Variants in RORA observed in about 807,000 individuals in gnomAD.
RORA encodes the protein nuclear receptor ROR-alpha.
RORA carries 7 observed loss-of-function variants against 69.5 expected under a neutral mutation model. The ratio of observed to expected loss-of-function variants is 0.10; its 90% CI spans 0.06 to 0.19. The LOEUF is 0.19. Ranked by LOEUF, RORA falls within the 10% of genes least tolerant of loss-of-function variation. The pLI is 1.00. For synonymous variants in RORA, 261 were observed against 240.8 expected (o/e 1.08, Z -0.78); for missense variants, 457 against 663.0 (o/e 0.69, Z 3.41).
intron 1 of RORA, among the ~76,000 whole-genome samples, chr15:60,934,316 T>C (rs1892457486): frequency 6.6e-6 from 1 of 152,124 alleles, no homozygotes; most frequent in Non-Finnish European, 1.5e-5. Context: ...TTTTCCACTT[T>C]CCTTCAAGAG....
At chr15:61,148,660 G>A (rs547996421) in intron 1 of RORA, among the ~76,000 whole-genome samples, 1 of 152,270 alleles carries the variant, frequency 6.6e-6, no homozygotes, top group East Asian at 1.9e-4. Context: ...TTGCACTCCT[G>A]CAATTTCATG....
intron 2 of RORA, among the ~76,000 whole-genome samples, chr15:60,595,461 G>C (rs1254534085): frequency 1.3e-5 from 2 of 151,700 alleles, no homozygotes; most frequent in Admixed American, 1.3e-4. Flanking sequence ...GTTGCAGTGA[G>C]CTGAGATCAC....
At chr15:61,177,948 C>G (rs2079646078) in intron 1 of RORA, among the ~76,000 whole-genome samples, 1 of 146,846 alleles carries the variant, frequency 6.8e-6, no homozygotes, top group African/African-American at 2.5e-5. Flanking sequence ...GGCAACAGAG[C>G]AAGACTCCAT....
At chr15:60,929,161 A>G (rs569807422) in intron 1 of RORA, among the ~76,000 whole-genome samples, 19 of 152,298 alleles carry the variant, frequency 1.2e-4, no homozygotes, top group African/African-American at 4.3e-4. Context: ...GAAGGTGTCA[A>G]CAAAGAGGGT....
chr15:60,757,417 C>G (rs1363153578), intron 1 of RORA, among the ~76,000 whole-genome samples: 1 of 152,190 alleles, frequency 6.6e-6, no homozygotes, highest in East Asian at 1.9e-4. Flanking sequence ...CTTACACAGT[C>G]AAACTTCTGC....
intron 1 of RORA, among the ~76,000 whole-genome samples, chr15:61,096,027 A>G (rs950513628): frequency 7.9e-5 from 12 of 152,342 alleles, no homozygotes; most frequent in Admixed American, 6.5e-4. Context: ...GCAGAGTCCA[A>G]AAGCTTGTCT....
In RORA at chr15:60,746,514, G is replaced by GA. The variant is rs889975068; in HGVS notation, c.167-67829dup. Among the ~76,000 whole-genome samples, 14 of 150,030 alleles carry GA rather than the reference G, an allele frequency of 9.3e-5. No homozygotes were observed. In the South Asian group the frequency reaches 1.5e-3, roughly 16 times the overall value. On this transcript the variant is annotated intron_variant, in intron 1 of 10. Transcript: ENST00000335670. The stretch of plus-strand genomic sequence containing the variant: ...GATGGTTAAAAATTGGAAAGGGAGA[G>GA]AAAAAAAAACATTCTGACCTTCAAC...
chr15:60,665,565 C>T (rs1393745695), intron 2 of RORA, among the ~76,000 whole-genome samples: 1 of 152,218 alleles, frequency 6.6e-6, no homozygotes, highest in Non-Finnish European at 1.5e-5. Context: ...AGCCCTAATA[C>T]TGAGACTCAA....
At position 60,698,737 on chromosome 15, in the gene RORA, T is replaced by C. The variant is rs188641229; in HGVS notation, c.167-20051A>G. Reference sequence around the variant, plus strand: ...AAAGTGTTTACCAATTTATAATTCCTAGATTAGTGTACACCTGTCCCAATG... The same window carrying C: ...AAAGTGTTTACCAATTTATAATTCCCAGATTAGTGTACACCTGTCCCAATG... On this transcript the variant is annotated intron_variant, in intron 1 of 10. Transcript: ENST00000335670. Among the ~76,000 whole-genome samples, 428 of 151,950 alleles carry C rather than the reference T, an allele frequency of 2.8e-3. 2 individuals carry two copies. Among genetic ancestry groups the C allele is most frequent in the African/African-American group, 1.0e-2 (413 of 41,474 alleles).
At chr15:60,892,040 C>T (rs937481980) in intron 1 of RORA, among the ~76,000 whole-genome samples, 2 of 152,142 alleles carry the variant, frequency 1.3e-5, no homozygotes, top group Non-Finnish European at 2.9e-5. Context: ...TTGGGGCAGG[C>T]GCTGTGTTGA....
intron 1 of RORA, among the ~76,000 whole-genome samples, chr15:60,754,184 T>C (rs1324013781): frequency 6.6e-6 from 1 of 152,260 alleles, no homozygotes; most frequent in Non-Finnish European, 1.5e-5. Context: ...GCATGAGGTA[T>C]TTTTATTTGT....
At chr15:60,512,757 A>G (rs1442171707) in intron 4 of RORA, among the ~76,000 whole-genome samples, 2 of 152,204 alleles carry the variant, frequency 1.3e-5, no homozygotes. Context: ...GTGTCCCCAT[A>G]TTTAAAGTGG....
In RORA at chr15:60,985,582, C is replaced by CTTTTTTTTTTTTTT. The variant is rs11451387; in HGVS notation, c.166+243457_166+243470dup. On this transcript the variant is annotated intron_variant, in intron 1 of 10. Coordinates refer to ENST00000335670, the MANE Select transcript of RORA (RefSeq NM_134261.3). ...TTGTGCTAGGTAAGAAACTCATCCT[C>CTTTTTTTTTTTTTT]TTTTTTTTTTTTTTTTTTTTTGAGA... Among the ~76,000 whole-genome samples the CTTTTTTTTTTTTTT allele has an allele frequency of 4.0e-5, 4 of 100,848 alleles. 1 individual carries two copies. Among genetic ancestry groups the CTTTTTTTTTTTTTT allele is most frequent in the Admixed American group, 2.7e-4 (2 of 7,498 alleles). 66.2% of individuals were successfully genotyped at this position (100,848 alleles called of 152,430 possible). A position where few individuals can be genotyped will look rare whatever the true frequency, so the allele number is the denominator to read the frequency against.
intron 1 of RORA, among the ~76,000 whole-genome samples, chr15:60,785,313 C>T (rs929047669): frequency 3.9e-5 from 6 of 152,170 alleles, no homozygotes; most frequent in African/African-American, 1.4e-4. Flanking sequence ...GGGTTTGAAA[C>T]TTTCTTCCTG....
At chr15:61,072,745 G>C (rs1008448718) in intron 1 of RORA, among the ~76,000 whole-genome samples, 1 of 152,074 alleles carries the variant, frequency 6.6e-6, no homozygotes, top group African/African-American at 2.4e-5. Context: ...AACTAATGGG[G>C]GTCAAGACAT....
At chr15:61,095,802 G>C (rs919769661) in intron 1 of RORA, among the ~76,000 whole-genome samples, 4 of 152,158 alleles carry the variant, frequency 2.6e-5, no homozygotes, top group African/African-American at 9.7e-5. Flanking sequence ...GCCTTTTGAG[G>C]CAGCCCATAC....
In RORA at chr15:61,043,540, A is replaced by G. The variant is rs141177380; in HGVS notation, c.166+185513T>C. On this transcript the variant is annotated intron_variant, in intron 1 of 10. Transcript: ENST00000335670. ...ATTACTCTAATAGAGTAATTTTTAA[A>G]TACCTGGACATCAGAGCTAATTGGA... 6.0e-4 allele frequency among the ~76,000 whole-genome samples: 92 copies of G among 152,358 alleles called. 1 individual carries two copies. In the East Asian group the frequency reaches 0.016, roughly 27 times the overall value.
intron 1 of RORA, among the ~76,000 whole-genome samples, chr15:60,702,016 G>A (rs2070988810): frequency 6.6e-6 from 1 of 152,166 alleles, no homozygotes; most frequent in Non-Finnish European, 1.5e-5. Flanking sequence ...TTCACAAACT[G>A]GTGGAGGATA....
chr15:61,138,836 A>AT (rs1287228635), intron 1 of RORA, among the ~76,000 whole-genome samples: 1 of 150,196 alleles, frequency 6.7e-6, no homozygotes, highest in Non-Finnish European at 1.5e-5. Context: ...ATAAAATAAA[A>AT]AAATAAATTA....
Sources: gnomAD v4.1 joint callset for allele counts (sites outside exome capture counted in the v4.1 genomes callset) on GRCh38, gnomAD v4.1.1 for gene constraint, MANE v1.5 for transcripts, NCBI Gene and HGNC (gene_info 2026-07-23, HGNC 2026-07-21) for gene names.